Variants in ESYT2 observed in about 807,000 individuals in gnomAD.
ESYT2 encodes extended synaptotagmin-2.
ESYT2 carries 54 observed loss-of-function variants against 107.2 expected under a neutral mutation model. The observed-to-expected ratio is 0.50, with a 90% CI of 0.40 to 0.63. The LOEUF (loss-of-function observed/expected upper bound fraction) is 0.63, where lower values mean the gene tolerates loss of function less well. Among genes scored for constraint, ESYT2 ranks in the 30% least tolerant of loss-of-function variants. ESYT2 has a pLI of 0.00. For missense variants in ESYT2, 1,020 were observed against 1,094.5 expected, an observed-to-expected ratio of 0.93 and a Z score of 0.96; for synonymous variants, 491 against 434.1, an observed-to-expected ratio of 1.13 and a Z score of -1.63.
At chr7:158,782,259 GTA>G (rs1043041581) in intron 6 of ESYT2, among the ~76,000 whole-genome samples, 3 of 148,830 alleles carry the variant, frequency 2.0e-5, no homozygotes, top group African/African-American at 7.5e-5. Context: ...GAGTGAACAA[GTA>G]TGAGTGTGAG....
intron 13 of ESYT2, among the ~76,000 whole-genome samples, chr7:158,757,972 A>C (rs2129472020): frequency 6.6e-6 from 1 of 152,302 alleles, no homozygotes; most frequent in South Asian, 2.1e-4. Context: ...AAACAATTCT[A>C]CTGTATAGAA....
intron 8 of ESYT2, among the ~76,000 whole-genome samples, chr7:158,765,231 G>A (rs1838115129): frequency 6.6e-6 from 1 of 152,124 alleles, no homozygotes; most frequent in African/African-American, 2.4e-5. Context: ...ATCTCAAGGA[G>A]GCTGGTGACA....
intron 1 of ESYT2, among the ~76,000 whole-genome samples, chr7:158,811,729 G>T (rs1408857873): frequency 6.6e-6 from 1 of 152,186 alleles, no homozygotes; most frequent in Non-Finnish European, 1.5e-5. Flanking sequence ...GAAATCCAGA[G>T]AAATGTGGCT....
At chr7:158,800,734 C>CTTTTT (rs1235340586) in intron 1 of ESYT2, among the ~76,000 whole-genome samples, 2 of 117,346 alleles carry the variant, frequency 1.7e-5, no homozygotes, top group African/African-American at 6.7e-5. Flanking sequence ...CTTTTCTTTT[C>CTTTTT]TTTTTTTTTT....
chr7:158,737,183 A>C lies in ESYT2; in HGVS notation c.2268-4T>G. On this transcript the variant is annotated splice_polypyrimidine_tract_variant and splice_region_variant and intron_variant, in intron 19 of 22. Transcript: ENST00000275418. ...TTCAGAGAAGGCAATGAGGTTTCTT[A>C]CAACACAAACCAGATAAGACGAGGT... 1 of 1,613,576 alleles carries C rather than the reference A, an allele frequency of 6.2e-7. No individual in the cohort carries two copies. Among genetic ancestry groups the C allele is most frequent in the South Asian group, 1.1e-5 (1 of 91,072 alleles).
intron 3 of ESYT2, 127 bp from the exon 4 acceptor site, chr7:158,793,853 C>T: frequency 1.3e-6 from 1 of 757,220 alleles, no homozygotes. Flanking sequence ...AAAATTCTGC[C>T]TTCATAACAG....
At position 158,737,204 on chromosome 7, in the gene ESYT2, G is replaced by A. The variant is rs1446350429; in HGVS notation, c.2268-25C>T. ...TCTTACAACACAAACCAGATAAGAC[G>A]AGGTATTAGGACCGAGAAAAAGAGA... On this transcript the variant is annotated intron_variant, in intron 19 of 22. Coordinates refer to ENST00000275418, the MANE Select transcript of ESYT2 (RefSeq NM_001367773.1). 6 of 1,610,732 alleles carry A rather than the reference G, an allele frequency of 3.7e-6. No homozygotes were observed. The African/African-American group carries it at 6.7e-5, about 18-fold the overall frequency.
chr7:158,778,323 T>G (rs1838643410), intron 6 of ESYT2, among the ~76,000 whole-genome samples: 1 of 152,138 alleles, frequency 6.6e-6, no homozygotes, highest in East Asian at 1.9e-4. Flanking sequence ...GTTAAAATAT[T>G]TGGGTGAGAC....
Position 158,759,565 on chromosome 7 carries a change from T to A in ESYT2, c.1340A>T (p.Lys447Ile). 1 of 1,611,986 alleles carries A rather than the reference T, an allele frequency of 6.2e-7. No homozygotes were observed. The highest frequency in any genetic ancestry group is 8.5e-7 in the Non-Finnish European group (1 of 1,178,236). Residue 447 changes from lysine (K) to isoleucine (I), a missense_variant, in exon 13 of 23, where the codon AAA (lysine) becomes ATA (isoleucine). Transcript: ENST00000275418. Reference sequence around the variant, plus strand: ...ATCGTTGGCTTGGTCTTTGTCAGCTTTGATGTCTGTTAGCACCTAAAAGGA... The same window carrying A: ...ATCGTTGGCTTGGTCTTTGTCAGCTATGATGTCTGTTAGCACCTAAAAGGA... ...SNLDKVLTDIKADKDQANDGL... is the reference protein window; with the variant it reads ...SNLDKVLTDIIADKDQANDGL...
intron 16 of ESYT2, among the ~76,000 whole-genome samples, chr7:158,747,886 G>A (rs1033956119): frequency 5.3e-5 from 8 of 152,130 alleles, no homozygotes; most frequent in Admixed American, 4.6e-4. Context: ...ACAAACTGTG[G>A]GTATCTGCAA....
At chr7:158,800,459 G>A (rs969449162) in intron 1 of ESYT2, among the ~76,000 whole-genome samples, 1 of 152,024 alleles carries the variant, frequency 6.6e-6, no homozygotes, top group African/African-American at 2.4e-5. Context: ...GTTCAATCAC[G>A]GCTCACTGCA....
chr7:158,798,251 A>C (rs1044870570), intron 2 of ESYT2, among the ~76,000 whole-genome samples, 175 bp from the exon 3 acceptor site: 2 of 152,216 alleles, frequency 1.3e-5, no homozygotes, highest in Non-Finnish European at 2.9e-5. Flanking sequence ...TATTAGAAAA[A>C]CCAACTACTG....
rs1218469413 is a variant in ESYT2, at chr7:158,733,492, CATA to C, written c.*712_*714del. 60 of 152,230 alleles carry C rather than the reference CATA, an allele frequency of 3.9e-4. No individual in the cohort carries two copies. Among genetic ancestry groups the C allele is most frequent in the Admixed American group, 2.6e-3 (40 of 15,296 alleles). The allele number at this position is 152,230 out of a possible 1,614,324, so 9.4% of individuals were successfully genotyped here. A position where few individuals can be genotyped will look rare whatever the true frequency, so the allele number is the denominator to read the frequency against. ...TTTTATGTAAGAAATTTCAGATTAG[CATA>C]ATGTGATTTATGAACCATGACAATT... On this transcript the variant is annotated 3_prime_UTR_variant, in exon 23 of 23. Coordinates refer to ENST00000275418, the MANE Select transcript of ESYT2 (RefSeq NM_001367773.1).
intron 1 of ESYT2, among the ~76,000 whole-genome samples, chr7:158,827,219 C>T (rs959476666): frequency 2.0e-5 from 3 of 149,522 alleles, no homozygotes; most frequent in Non-Finnish European, 4.5e-5. Flanking sequence ...AGATTTTTAA[C>T]AAGCAAATTT....
chr7:158,771,808 T>A (rs1838382755), intron 7 of ESYT2, among the ~76,000 whole-genome samples: 2 of 152,084 alleles, frequency 1.3e-5, no homozygotes, highest in African/African-American at 4.8e-5. Context: ...GAAGAGTGAA[T>A]AAACTGCTTT....
chr7:158,813,991 C>G (rs1840063069), intron 1 of ESYT2, among the ~76,000 whole-genome samples: 1 of 151,982 alleles, frequency 6.6e-6, no homozygotes, highest in Non-Finnish European at 1.5e-5. Flanking sequence ...ATATGTTACT[C>G]AGGCCAGACG....
chr7:158,823,478 C>T (rs1397949273), intron 1 of ESYT2, among the ~76,000 whole-genome samples: 2 of 151,048 alleles, frequency 1.3e-5, no homozygotes, highest in African/African-American at 2.4e-5. Context: ...AGGCGCACAC[C>T]GCCACGCCCG....
chr7:158,741,493 G>C, intron 18 of ESYT2, 30 bp downstream of exon 18: 2 of 1,535,084 alleles, frequency 1.3e-6, no homozygotes, highest in East Asian at 2.3e-5. Context: ...TGCTCTGCTG[G>C]TGAGAAACAA....
intron 1 of ESYT2, among the ~76,000 whole-genome samples, chr7:158,821,981 G>A (rs1840297716): frequency 6.6e-6 from 1 of 152,184 alleles, no homozygotes; most frequent in East Asian, 1.9e-4. Flanking sequence ...TGACACTGGA[G>A]CCATCACCAC....
Sources: gnomAD v4.1 joint callset for allele counts (sites outside exome capture counted in the v4.1 genomes callset) on GRCh38, gnomAD v4.1.1 for gene constraint, MANE v1.5 for transcripts, NCBI Gene and HGNC (gene_info 2026-07-23, HGNC 2026-07-21) for gene names.